KXD1: variants seen among roughly 807,000 people sequenced by gnomAD.
The protein encoded by KXD1 is kxDL motif-containing protein 1.
In KXD1, 5 loss-of-function variants were observed where a neutral mutation model predicts 12.1. The observed-to-expected ratio is 0.41, with a 90% CI of 0.22 to 0.87. KXD1 has a LOEUF of 0.87. Ranked by LOEUF, KXD1 falls within the 40% of genes least tolerant of loss-of-function variation. The probability of loss-of-function intolerance (pLI) is 0.31; values close to 1 mark genes in which losing one functional copy is unlikely to be tolerated. For missense variants in KXD1, 193 were observed against 244.9 expected (o/e 0.79, Z 1.41); for synonymous variants, 98 against 100.5 (o/e 0.98, Z 0.15).
intron 4 of KXD1, 60 bp from the exon 5 acceptor site, chr19:18,568,342 G>A (rs1975363558): frequency 1.6e-6 from 2 of 1,276,508 alleles, no homozygotes; most frequent in Admixed American, 1.7e-5. Flanking sequence ...TGGACAATAA[G>A]TCCTACATCA....
At chr19:18,567,509 G>C (rs961285464) in intron 4 of KXD1, among the ~76,000 whole-genome samples, 1 of 152,172 alleles carries the variant, frequency 6.6e-6, no homozygotes, top group Non-Finnish European at 1.5e-5. Context: ...ACATCGTCTC[G>C]CCTTCCCTGA....
chr19:18,565,686 G>C (rs1401490559), intron 3 of KXD1, among the ~76,000 whole-genome samples: 1 of 151,634 alleles, frequency 6.6e-6, no homozygotes, highest in African/African-American at 2.4e-5. Context: ...GCTAATTTTT[G>C]TTGTTGTTGT....
Position 18,568,853 on chromosome 19 carries a change from C to T in KXD1, c.*222C>T. ...AGAACATCTCTATTCTGCAAGACCCCTCTGCCATGCCAGGGCACGCCCATT... is the reference window on the plus strand; with the variant it reads ...AGAACATCTCTATTCTGCAAGACCCTTCTGCCATGCCAGGGCACGCCCATT... On this transcript the variant is annotated 3_prime_UTR_variant, in exon 5 of 5. Transcript: ENST00000222307. 3 of 563,530 alleles carry T rather than the reference C, an allele frequency of 5.3e-6. No homozygotes were observed. Among genetic ancestry groups the T allele is most frequent in the East Asian group, 3.0e-5 (1 of 33,694 alleles). The allele number at this position is 563,530 out of a possible 1,614,324, so 34.9% of individuals were successfully genotyped here. A position where few individuals can be genotyped will look rare whatever the true frequency, so the allele number is the denominator to read the frequency against.
chr19:18,563,428 C>T (rs1975029763), intron 2 of KXD1, among the ~76,000 whole-genome samples: 1 of 151,444 alleles, frequency 6.6e-6, no homozygotes, highest in Admixed American at 6.6e-5. Context: ...CTCACTACAT[C>T]CTCTGCCTCC....
At chr19:18,560,505 T>C (rs1436417168) in intron 1 of KXD1, 1 of 152,252 alleles carries the variant, frequency 6.6e-6, no homozygotes, top group Non-Finnish European at 1.5e-5. Context: ...CCAGCAAAAC[T>C]GGGAACCTCA....
chr19:18,559,709 G>A (rs561215438), intron 1 of KXD1: 1 of 152,248 alleles, frequency 6.6e-6, no homozygotes, highest in East Asian at 1.9e-4. Flanking sequence ...TAGGTTCACT[G>A]GCTGTGTGAC....
chr19:18,567,087 A>G (rs558839925), intron 3 of KXD1, 45 bp from the exon 4 acceptor site: 97 of 1,601,362 alleles, frequency 6.1e-5, no homozygotes, highest in South Asian at 3.1e-4. Context: ...GGCCCAGCCT[A>G]CCTGCTCAGC....
In KXD1 at chr19:18,568,589, C is replaced by T. The variant is rs144609970; in HGVS notation, c.489C>T (p.Asn163=). 1,923 of 1,612,988 alleles carry T rather than the reference C, an allele frequency of 1.2e-3. 24 individuals are homozygous for T. In the African/African-American group the frequency reaches 0.022, roughly 19 times the overall value. Residue 163 remains asparagine (N), a synonymous_variant, in exon 5 of 5, where the codon AAC becomes AAT. Coordinates refer to ENST00000222307, the MANE Select transcript of KXD1 (RefSeq NM_024069.4). The part of the protein sequence containing the change: ...SHVQPGSPAI[N]GRSQTDDEEM... ...TCCAGCCTGGCTCCCCAGCCATCAA[C>T]GGCCGCAGCCAGACAGATGACGAGG...
chr19:18,563,233 G>C (rs895279478), intron 2 of KXD1, among the ~76,000 whole-genome samples: 1 of 152,034 alleles, frequency 6.6e-6, no homozygotes, highest in African/African-American at 2.4e-5. Flanking sequence ...GTGTCTCTGA[G>C]CCAGAGGCTC....
intron 1 of KXD1, chr19:18,560,007 T>TTTG (rs1974867675): frequency 8.6e-6 from 1 of 116,888 alleles, no homozygotes; most frequent in Non-Finnish European, 1.7e-5. Context: ...CCTCCCTCCC[T>TTTG]TCCTTCCTTC....
chr19:18,563,658 C>T (rs1285574477), intron 2 of KXD1, among the ~76,000 whole-genome samples: 1 of 152,114 alleles, frequency 6.6e-6, no homozygotes, highest in Admixed American at 6.6e-5. Context: ...TGTGCGCCAC[C>T]ACGGCCAGCT....
chr19:18,568,688 G>A lies in KXD1; in HGVS notation c.*57G>A, dbSNP rs529462245. The A allele has an allele frequency of 7.0e-4, 934 of 1,343,560 alleles. 12 individuals carry two copies. The South Asian group carries it at 0.011, about 15-fold the overall frequency. The allele number at this position is 1,343,560 out of a possible 1,614,324, so 83.2% of individuals were successfully genotyped here. ...GGGCAGCAGCATACAAGGTGGCAGCGGGTAACCCTGCCTTGTTCTGTCATC... is the reference window on the plus strand; with the variant it reads ...GGGCAGCAGCATACAAGGTGGCAGCAGGTAACCCTGCCTTGTTCTGTCATC... On this transcript the variant is annotated 3_prime_UTR_variant, in exon 5 of 5. Transcript: ENST00000222307.
At chr19:18,559,410 G>T (rs1240688963) in intron 1 of KXD1, 2 of 152,090 alleles carry the variant, frequency 1.3e-5, no homozygotes, top group African/African-American at 4.8e-5. Flanking sequence ...GCTGGGTGTG[G>T]CACCTTATTT....
At chr19:18,562,430 C>T (rs1327180481) in intron 2 of KXD1, among the ~76,000 whole-genome samples, 1 of 152,098 alleles carries the variant, frequency 6.6e-6, no homozygotes, top group African/African-American at 2.4e-5. Context: ...GTTGAAGGAC[C>T]AGAGGGGGCC....
intron 3 of KXD1, 121 bp from the exon 4 acceptor site, chr19:18,567,011 T>G: frequency 1.3e-6 from 1 of 796,710 alleles, no homozygotes; most frequent in Non-Finnish European, 2.1e-6. Flanking sequence ...TGATGAACAG[T>G]GTGGGGGTTC....
intron 1 of KXD1, chr19:18,559,615 C>G (rs565235181): frequency 2.2e-4 from 34 of 152,280 alleles, no homozygotes; most frequent in Admixed American, 6.5e-4. Flanking sequence ...TAAGAAGCCA[C>G]TGTCCTGTCA....
At chr19:18,563,568 A>G (rs1975038890) in intron 2 of KXD1, among the ~76,000 whole-genome samples, 1 of 151,970 alleles carries the variant, frequency 6.6e-6, no homozygotes, top group Non-Finnish European at 1.5e-5. Context: ...CAGTGGCGCA[A>G]TCTCAGCTCA....
chr19:18,566,944 C>T (rs979260918), intron 3 of KXD1, among the ~76,000 whole-genome samples, 188 bp from the exon 4 acceptor site: 1 of 152,108 alleles, frequency 6.6e-6, no homozygotes, highest in Non-Finnish European at 1.5e-5. Flanking sequence ...GGCTGGTGGG[C>T]GACTGTCAGG....
At chr19:18,562,701 A>C (rs961171423) in intron 2 of KXD1, among the ~76,000 whole-genome samples, 6 of 152,182 alleles carry the variant, frequency 3.9e-5, no homozygotes, top group Admixed American at 6.5e-5. Flanking sequence ...ACCTCAAGTG[A>C]TCCACCCGCC....
Sources: gnomAD v4.1 joint callset for allele counts (sites outside exome capture counted in the v4.1 genomes callset) on GRCh38, gnomAD v4.1.1 for gene constraint, MANE v1.5 for transcripts, NCBI Gene and HGNC (gene_info 2026-07-23, HGNC 2026-07-21) for gene names.